The following ESCO2 variants were observed in gnomAD, a reference collection of about 807,000 sequenced individuals.
ESCO2 encodes N-acetyltransferase ESCO2.
A neutral mutation model predicts 61.7 loss-of-function variants in ESCO2; 51 were observed. The ratio of observed to expected loss-of-function variants is 0.83; its 90% CI spans 0.66 to 1.04. The LOEUF is 1.04. ESCO2 is among the 50% of genes least tolerant of loss of function. The pLI, the probability that ESCO2 is intolerant of heterozygous loss-of-function variation, is 0.00. For synonymous variants in ESCO2, 230 were observed against 238.2 expected, an observed-to-expected ratio of 0.97 and a Z score of 0.32; for missense variants, 692 against 686.2, an observed-to-expected ratio of 1.01 and a Z score of -0.09.
At chr8:27,794,164 A>G (rs1805243332) in intron 9 of ESCO2, among the ~76,000 whole-genome samples, 1 of 152,190 alleles carries the variant, frequency 6.6e-6, no homozygotes, top group African/African-American at 2.4e-5. Context: ...CGTTGATTAC[A>G]TATCTTGGCT....
At chr8:27,802,822 CTGCAACCTCCGCCTCCTGGGTTTA>C in intron 10 of ESCO2, among the ~76,000 whole-genome samples, 1 of 150,782 alleles carries the variant, frequency 6.6e-6, no homozygotes, top group East Asian at 2.0e-4. Context: ...TATCGGCTCA[CTGCAACCTCCGCCTCCTGGGTTTA>C]AGTGATTCTC....
chr8:27,783,931 T>C, intron 4 of ESCO2, 69 bp from the exon 5 acceptor site: 4 of 1,370,484 alleles, frequency 2.9e-6, no homozygotes, highest in Non-Finnish European at 4.2e-6. Flanking sequence ...TATTAACCTT[T>C]GAAATCTTAT....
At position 27,804,707 on chromosome 8, in the gene ESCO2, T is replaced by A. The variant is rs1805523921; in HGVS notation, c.*1269T>A. On this transcript the variant is annotated 3_prime_UTR_variant, in exon 11 of 11. Coordinates refer to ENST00000305188, the MANE Select transcript of ESCO2 (RefSeq NM_001017420.3). ...TGCATTCATTTTATTTGCCTGTAAG[T>A]TAACATGTTTCCAAAATTTAAAAGC... is the stretch of plus-strand genomic sequence containing the variant. 1 of 985,276 alleles carries A rather than the reference T, an allele frequency of 1.0e-6. No homozygotes were observed. Among genetic ancestry groups the A allele is most frequent in the Non-Finnish European group, 1.2e-6 (1 of 829,880 alleles). 61.0% of individuals were successfully genotyped at this position (985,276 alleles called of 1,614,324 possible).
At position 27,804,899 on chromosome 8, in the gene ESCO2, T is replaced by C. The variant is rs1423211702; in HGVS notation, c.*1461T>C. On this transcript the variant is annotated 3_prime_UTR_variant, in exon 11 of 11. Coordinates refer to ENST00000305188, the MANE Select transcript of ESCO2 (RefSeq NM_001017420.3). The stretch of plus-strand genomic sequence containing the variant: ...GAATCAATTAAAATTCTTTATTTTA[T>C]ACAACTAAATCTGATTTTAATTATT... 2 of 394,286 alleles carry C rather than the reference T, an allele frequency of 5.1e-6. No individual in the cohort carries two copies. Among genetic ancestry groups the C allele is most frequent in the Non-Finnish European group, 6.9e-6 (2 of 290,070 alleles). The allele number at this position is 394,286 out of a possible 1,614,324, so 24.4% of individuals were successfully genotyped here. A position where few individuals can be genotyped will look rare whatever the true frequency, so the allele number is the denominator to read the frequency against.
intron 6 of ESCO2, 26 bp downstream of exon 6, chr8:27,788,028 TC>T (rs768382233): frequency 3.3e-6 from 5 of 1,538,060 alleles, no homozygotes; most frequent in Admixed American, 3.3e-5. Context: ...ACAAAGCTTC[TC>T]CTATCTAGCC....
At chr8:27,792,878 T>G in intron 9 of ESCO2, 67 bp downstream of exon 9, 1 of 1,488,708 alleles carries the variant, frequency 6.7e-7, no homozygotes, top group Admixed American at 2.3e-5. Flanking sequence ...TTGGGAGAAG[T>G]CTCAGCATTT....
downstream of ESCO2, chr8:27,810,262 T>C (rs1392480929): frequency 7.5e-7 from 1 of 1,328,592 alleles, no homozygotes; most frequent in Non-Finnish European, 1.1e-6. Flanking sequence ...TATTTTGGAA[T>C]AAACAGTTAT....
intron 5 of ESCO2, among the ~76,000 whole-genome samples, chr8:27,784,969 T>C (rs1040432901): frequency 1.3e-5 from 2 of 152,226 alleles, no homozygotes; most frequent in Non-Finnish European, 2.9e-5. Context: ...TGTTGTCATC[T>C]TTCATGACCT....
At chr8:27,784,109 T>C (rs1804984160) in intron 5 of ESCO2, 52 bp downstream of exon 5, 1 of 1,556,630 alleles carries the variant, frequency 6.4e-7, no homozygotes, top group Non-Finnish European at 8.9e-7. Context: ...ATACAGTTCC[T>C]CTGGGTCTCT....
At chr8:27,782,466 G>A (rs181400450) in intron 4 of ESCO2, among the ~76,000 whole-genome samples, 43 of 152,232 alleles carry the variant, frequency 2.8e-4, no homozygotes, top group African/African-American at 9.4e-4. Flanking sequence ...GTTTCGCCAC[G>A]TTGGGCAGGG....
At position 27,776,557 on chromosome 8, in the gene ESCO2, T is replaced by C; in HGVS notation, c.249T>C (p.Thr83=). The C allele has an allele frequency of 3.7e-6, 6 of 1,614,104 alleles. No homozygotes were observed. Among genetic ancestry groups the C allele is most frequent in the Non-Finnish European group, 5.1e-6 (6 of 1,180,020 alleles). Residue 83 remains threonine, a synonymous_variant, in exon 3 of 11, where the codon ACT becomes ACC. Transcript: ENST00000305188. ...CACCATTTAAATCTGCGCTCTCCAC[T>C]GTATCTTTTTACAACCAAAATAAGT... ...QGSPFKSALS[T]VSFYNQNKWY... is the part of the protein sequence containing the mutation.
intron 9 of ESCO2, among the ~76,000 whole-genome samples, chr8:27,797,446 C>T (rs1180109420): frequency 6.6e-6 from 1 of 150,982 alleles, no homozygotes; most frequent in Non-Finnish European, 1.5e-5. Flanking sequence ...TGACCCTTCA[C>T]TTTCAGTCTA....
chr8:27,804,731 G>A lies in ESCO2; in HGVS notation c.*1293G>A. On this transcript the variant is annotated 3_prime_UTR_variant, in exon 11 of 11. Transcript: ENST00000305188. ...GTTAACATGTTTCCAAAATTTAAAA[G>A]CCTGGGTCCCCAAAAGAATGTGGAA... 3 of 984,824 alleles carry A rather than the reference G, an allele frequency of 3.0e-6. No homozygotes were observed. The highest frequency in any genetic ancestry group is 3.6e-6 in the Non-Finnish European group (3 of 829,490). 61.0% of individuals were successfully genotyped at this position (984,824 alleles called of 1,614,324 possible).
chr8:27,816,769 T>C (rs936208310), downstream of ESCO2, among the ~76,000 whole-genome samples: 1 of 152,148 alleles, frequency 6.6e-6, no homozygotes, highest in African/African-American at 2.4e-5. Context: ...TTTCTTCATA[T>C]ATGTAAATAC....
chr8:27,818,481 C>A, the ESCO2 span, among the ~76,000 whole-genome samples: 1 of 152,196 alleles, frequency 6.6e-6, no homozygotes, highest in Non-Finnish European at 1.5e-5. Context: ...ATAATTTACA[C>A]AGTGTGATGA....
chr8:27,817,594 G>A (rs771509434), downstream of ESCO2, among the ~76,000 whole-genome samples: 11 of 150,620 alleles, frequency 7.3e-5, no homozygotes, highest in South Asian at 2.1e-4. Context: ...AAACTTTTGC[G>A]CAATGAAGTT....
At chr8:27,796,247 TC>T (rs1180824015) in intron 9 of ESCO2, among the ~76,000 whole-genome samples, 9 of 152,158 alleles carry the variant, frequency 5.9e-5, no homozygotes, top group Non-Finnish European at 1.3e-4. Flanking sequence ...TCTCTTACGA[TC>T]CTTTGTACTT....
At chr8:27,793,632 G>A (rs771520931) in intron 9 of ESCO2, among the ~76,000 whole-genome samples, 4 of 151,656 alleles carry the variant, frequency 2.6e-5, no homozygotes, top group Non-Finnish European at 4.4e-5. Flanking sequence ...GACTACAGCC[G>A]CGTGCCACCA....
downstream of ESCO2, among the ~76,000 whole-genome samples, chr8:27,806,481 A>T (rs923338378): frequency 7.2e-5 from 11 of 152,156 alleles, no homozygotes; most frequent in African/African-American, 2.7e-4. Flanking sequence ...GCATTTCCAT[A>T]TACATTTTAG....
Sources: gnomAD v4.1 joint callset for allele counts (sites outside exome capture counted in the v4.1 genomes callset) on GRCh38, gnomAD v4.1.1 for gene constraint, MANE v1.5 for transcripts, NCBI Gene and HGNC (gene_info 2026-07-23, HGNC 2026-07-21) for gene names.